NCKAP5: variants seen among roughly 807,000 people sequenced by gnomAD.
NCKAP5 encodes nck-associated protein 5.
A neutral mutation model predicts 167.0 loss-of-function variants in NCKAP5; 92 were observed. The observed-to-expected ratio is 0.55, with a 90% CI of 0.47 to 0.66. NCKAP5 has a LOEUF of 0.66. Among genes scored for constraint, NCKAP5 ranks in the 30% least tolerant of loss-of-function variants. NCKAP5 has a pLI of 0.00. For synonymous variants in NCKAP5, 891 were observed against 877.4 expected (o/e 1.02, Z -0.27); for missense variants, 2,378 against 2,315.0 (o/e 1.03, Z -0.56).
intron 9 of NCKAP5, among the ~76,000 whole-genome samples, chr2:132,871,921 G>A (rs1405991446): frequency 6.6e-6 from 1 of 151,468 alleles, no homozygotes; most frequent in Non-Finnish European, 1.5e-5. Flanking sequence ...ACAGCTGTTT[G>A]GAGTTTGTGC....
chr2:133,368,070 T>TAGAA (rs1477614681), intron 3 of NCKAP5, among the ~76,000 whole-genome samples: 1 of 152,084 alleles, frequency 6.6e-6, no homozygotes, highest in African/African-American at 2.4e-5. Flanking sequence ...ATACAGAAGG[T>TAGAA]AGAAAGAGCT....
At chr2:133,551,823 G>C (rs1687330595) in intron 2 of NCKAP5, among the ~76,000 whole-genome samples, 1 of 126,674 alleles carries the variant, frequency 7.9e-6, no homozygotes, top group South Asian at 3.0e-4. Flanking sequence ...CAAAATGGGA[G>C]AAAATTTTTG....
intron 19 of NCKAP5, among the ~76,000 whole-genome samples, chr2:132,692,484 T>C (rs1167783091): frequency 6.6e-6 from 1 of 152,128 alleles, no homozygotes; most frequent in Non-Finnish European, 1.5e-5. Flanking sequence ...ATTATCTACC[T>C]TCCATATTAA....
rs2081558038 is a variant in NCKAP5 at position 133,102,746 on chromosome 2, C to A, written c.341+27232G>T. On this transcript the variant is annotated intron_variant, in intron 6 of 19. Transcript: ENST00000409261. Reference sequence around the variant, plus strand: ...CTGACAGGTTAGACAAGCATGTAAACACACACACACACACACACACACACA... The same window carrying A: ...CTGACAGGTTAGACAAGCATGTAAAAACACACACACACACACACACACACA... 8.4e-5 allele frequency among the ~76,000 whole-genome samples: 7 copies of A among 83,326 alleles called. No individual in the cohort carries two copies. The Admixed American group carries it at 8.7e-4, about 10-fold the overall frequency. 54.7% of individuals were successfully genotyped at this position (83,326 alleles called of 152,430 possible). A position where few individuals can be genotyped will look rare whatever the true frequency, so the allele number is the denominator to read the frequency against.
intron 11 of NCKAP5, among the ~76,000 whole-genome samples, chr2:132,812,848 G>T (rs1685986054): frequency 1.3e-5 from 2 of 152,146 alleles, no homozygotes. Flanking sequence ...CCTATTTTCT[G>T]GTTCATAGAT....
At chr2:133,314,302 T>C (rs1681451886) in intron 3 of NCKAP5, among the ~76,000 whole-genome samples, 1 of 152,158 alleles carries the variant, frequency 6.6e-6, no homozygotes. Flanking sequence ...GGTTACGGCA[T>C]CAAGTAGGGA....
intron 6 of NCKAP5, among the ~76,000 whole-genome samples, chr2:133,066,306 A>AT (rs1559105110): frequency 6.6e-6 from 1 of 152,234 alleles, no homozygotes; most frequent in Non-Finnish European, 1.5e-5. Flanking sequence ...TTTGTTTTCA[A>AT]TAAGTGTTCC....
intron 6 of NCKAP5, among the ~76,000 whole-genome samples, chr2:133,010,339 C>A (rs1339715642): frequency 6.6e-6 from 1 of 152,112 alleles, no homozygotes; most frequent in African/African-American, 2.4e-5. Context: ...TAATCAAACA[C>A]AAAGCATTAT....
intron 16 of NCKAP5, among the ~76,000 whole-genome samples, chr2:132,770,154 A>G (rs1216663586): frequency 6.6e-6 from 1 of 152,122 alleles, no homozygotes; most frequent in Non-Finnish European, 1.5e-5. Context: ...CCCCAAACTT[A>G]TAGATCCCAA....
chr2:133,567,804 T>G (rs542329085), intron 1 of NCKAP5, among the ~76,000 whole-genome samples: 1 of 152,028 alleles, frequency 6.6e-6, no homozygotes, highest in Admixed American at 6.5e-5. Flanking sequence ...AAAAAGTGGG[T>G]TCTCCCTGCA....
At chr2:133,228,798 G>A (rs914132331) in intron 4 of NCKAP5, among the ~76,000 whole-genome samples, 1 of 152,136 alleles carries the variant, frequency 6.6e-6, no homozygotes, top group Non-Finnish European at 1.5e-5. Context: ...TTAAAAGAAT[G>A]TCCATTGTAA....
chr2:133,665,940 GT>G, the NCKAP5 span, among the ~76,000 whole-genome samples: 2 of 150,574 alleles, frequency 1.3e-5, no homozygotes, highest in South Asian at 4.1e-4. Context: ...CTAAAGCTAT[GT>G]TTTACTTATT....
At chr2:133,051,928 T>G (rs183877071) in intron 6 of NCKAP5, among the ~76,000 whole-genome samples, 23 of 152,300 alleles carry the variant, frequency 1.5e-4, no homozygotes, top group Non-Finnish European at 2.9e-4. Context: ...AGAGATTAAA[T>G]GAAATCTCCA....
chr2:132,799,331 T>A (rs1684850947), intron 11 of NCKAP5, among the ~76,000 whole-genome samples: 2 of 151,726 alleles, frequency 1.3e-5, no homozygotes, highest in Admixed American at 1.3e-4. Flanking sequence ...GGGACCTGCA[T>A]CCAAAACCCA....
chr2:133,574,621 T>G, the NCKAP5 span, among the ~76,000 whole-genome samples: 1 of 150,422 alleles, frequency 6.6e-6, no homozygotes, highest in African/African-American at 2.4e-5. Context: ...TTTTTTTTTT[T>G]TGGAAGCACA....
At chr2:133,515,021 C>T (rs1683865332) in intron 3 of NCKAP5, among the ~76,000 whole-genome samples, 1 of 152,056 alleles carries the variant, frequency 6.6e-6, no homozygotes, top group South Asian at 2.1e-4. Context: ...TCACAGCAGC[C>T]CTTATCTAGA....
chr2:132,899,909 A>G (rs1036304782), intron 8 of NCKAP5, among the ~76,000 whole-genome samples: 15 of 151,656 alleles, frequency 9.9e-5, no homozygotes, highest in African/African-American at 3.6e-4. Context: ...ACAAACAATG[A>G]AAAAAAAATT....
chr2:133,107,790 G>T (rs540346176), intron 6 of NCKAP5, among the ~76,000 whole-genome samples: 2 of 152,184 alleles, frequency 1.3e-5, no homozygotes, highest in East Asian at 3.9e-4. Flanking sequence ...GTTTTGTTGG[G>T]AATCATTTCA....
At chr2:133,163,611 G>A (rs188846914) in intron 5 of NCKAP5, among the ~76,000 whole-genome samples, 6 of 152,308 alleles carry the variant, frequency 3.9e-5, no homozygotes, top group Non-Finnish European at 7.4e-5. Context: ...ACTTCTGCCT[G>A]AGGAATTTCA....
Sources: gnomAD v4.1 joint callset for allele counts (sites outside exome capture counted in the v4.1 genomes callset) on GRCh38, gnomAD v4.1.1 for gene constraint, MANE v1.5 for transcripts, NCBI Gene and HGNC (gene_info 2026-07-23, HGNC 2026-07-21) for gene names.